The following TANC1 variants were observed in gnomAD, a reference collection of about 807,000 sequenced individuals.
The protein encoded by TANC1 is protein TANC1.
In TANC1, 77 loss-of-function variants were observed where a neutral mutation model predicts 149.7. That is an observed-to-expected ratio of 0.51 (90% CI 0.43 to 0.62). The LOEUF (loss-of-function observed/expected upper bound fraction) is 0.62, where lower values mean the gene tolerates loss of function less well. TANC1 is among the 20% of genes least tolerant of loss of function. TANC1 has a pLI of 0.00. For synonymous variants in TANC1, 854 were observed against 925.0 expected (o/e 0.92, Z 1.39); for missense variants, 1,985 against 2,321.8 (o/e 0.85, Z 2.98).
At chr2:159,101,188 A>G (rs2149947460) in intron 4 of TANC1, among the ~76,000 whole-genome samples, 1 of 152,296 alleles carries the variant, frequency 6.6e-6, no homozygotes, top group Admixed American at 6.5e-5. Context: ...AAAAAACCAA[A>G]CTTGTTTCAG....
chr2:159,116,709 C>A (rs1180279545), intron 4 of TANC1, among the ~76,000 whole-genome samples: 1 of 152,120 alleles, frequency 6.6e-6, no homozygotes, highest in Non-Finnish European at 1.5e-5. Context: ...TCCAATTTGG[C>A]CCCTGGGCTG....
chr2:159,199,617 C>T (rs73002981), intron 19 of TANC1, among the ~76,000 whole-genome samples: 2,572 of 152,330 alleles, frequency 0.017, 63 homozygotes, highest in African/African-American at 0.053. Flanking sequence ...AAGATTTGAG[C>T]TGGTTACTTG....
chr2:159,083,662 T>C (rs1318100572), intron 3 of TANC1, among the ~76,000 whole-genome samples: 3 of 152,354 alleles, frequency 2.0e-5, no homozygotes, highest in Non-Finnish European at 4.4e-5. Context: ...TTAATTTACA[T>C]GCCAATTTAT....
In TANC1 at chr2:159,094,942, GTTTGTTT is replaced by G. The variant is rs551830744; in HGVS notation, c.62-2684_62-2678del. Among the ~76,000 whole-genome samples the G allele has an allele frequency of 1.4e-4, 21 of 151,766 alleles. No individual in the cohort carries two copies. The East Asian group carries it at 2.1e-3, about 15-fold the overall frequency. ...CGCCAGTGAGAGGTGTTTTTTTATT[GTTTGTTT>G]TTTGTTTTTTTTTTGAGATGGAGTC... is the stretch of plus-strand genomic sequence containing the variant. On this transcript the variant is annotated intron_variant, in intron 3 of 26. Transcript: ENST00000263635.
chr2:159,138,391 C>T (rs1169524359), intron 5 of TANC1, among the ~76,000 whole-genome samples: 2 of 152,034 alleles, frequency 1.3e-5, no homozygotes, highest in Non-Finnish European at 2.9e-5. Context: ...GAGGTGGCTG[C>T]CTAACAAAGT....
Position 159,097,862 on chromosome 2 carries a change from G to T in TANC1, c.259+28G>T, listed in dbSNP as rs140497921. The T allele has an allele frequency of 4.1e-5, 66 of 1,596,498 alleles. 1 individual carries two copies. In the African/African-American group the frequency reaches 6.4e-4, roughly 16 times the overall value. On this transcript the variant is annotated intron_variant, in intron 4 of 26. Transcript: ENST00000263635. The stretch of plus-strand genomic sequence containing the variant: ...AAACAGGCAATGAAGGAGCTGCCTT[G>T]GTTATATATGTAGTACCTGCATTGA...
chr2:159,193,713 G>C (rs1421188531), intron 16 of TANC1, among the ~76,000 whole-genome samples: 1 of 152,048 alleles, frequency 6.6e-6, no homozygotes, highest in Non-Finnish European at 1.5e-5. Context: ...TAGTAGAGAC[G>C]GGGTTTCACC....
chr2:159,144,915 G>A (rs577573379), intron 5 of TANC1, among the ~76,000 whole-genome samples: 80 of 152,264 alleles, frequency 5.3e-4, no homozygotes, highest in African/African-American at 1.9e-3. Context: ...GTGCTATCTT[G>A]GACACTTGGT....
intron 7 of TANC1, among the ~76,000 whole-genome samples, chr2:159,160,173 C>T (rs1257132259): frequency 6.6e-6 from 1 of 152,088 alleles, no homozygotes; most frequent in Non-Finnish European, 1.5e-5. Flanking sequence ...CCCTGTGTCT[C>T]GAGGGTGGCT....
At chr2:159,198,508 G>A (rs1377805253) in intron 18 of TANC1, among the ~76,000 whole-genome samples, 1 of 152,302 alleles carries the variant, frequency 6.6e-6, no homozygotes, top group East Asian at 1.9e-4. Context: ...CCTTTGACAG[G>A]AAGAGTCCCA....
At chr2:158,992,138 A>G (rs1334320618) in intron 1 of TANC1, among the ~76,000 whole-genome samples, 1 of 152,158 alleles carries the variant, frequency 6.6e-6, no homozygotes, top group African/African-American at 2.4e-5. Flanking sequence ...TGAGACAGGC[A>G]GATCGCTTGA....
At chr2:159,174,537 G>T (rs1183378010) in intron 11 of TANC1, among the ~76,000 whole-genome samples, 1 of 152,100 alleles carries the variant, frequency 6.6e-6, no homozygotes, top group Non-Finnish European at 1.5e-5. Context: ...TGCCTTTTGG[G>T]ATCAGCAAAA....
chr2:159,230,915 G>A lies in TANC1; in HGVS notation c.5489G>A (p.Ser1830Asn), dbSNP rs767379059. The change falls in exon 27 of 27, where the codon AGT (serine) becomes AAT (asparagine). Residue 1830 changes from serine (S) to asparagine (N), a missense_variant. Coordinates refer to ENST00000263635, the MANE Select transcript of TANC1 (RefSeq NM_033394.3). This position sits in a 1 kb window ranked among gnomAD's most constrained non-coding sequence, Gnocchi z 4.4. ...ACTGTTTCTCATCTGTACCAGGAAA[G>A]TATCTCCAAACAGCAGCCTCATATT... ...TKTVSHLYQE[S>N]ISKQQPHISN... The A allele has an allele frequency of 6.2e-7, 1 of 1,614,208 alleles. No individual in the cohort carries two copies. Among genetic ancestry groups the A allele is most frequent in the East Asian group, 2.2e-5 (1 of 44,888 alleles).
intron 14 of TANC1, among the ~76,000 whole-genome samples, chr2:159,184,619 TC>T (rs1226142266): frequency 6.6e-6 from 1 of 152,094 alleles, no homozygotes; most frequent in South Asian, 2.1e-4. Flanking sequence ...AATCCTGGGA[TC>T]AGCCCATGGG....
intron 16 of TANC1, among the ~76,000 whole-genome samples, chr2:159,191,452 A>G (rs1423101424): frequency 6.6e-6 from 1 of 152,130 alleles, no homozygotes; most frequent in Non-Finnish European, 1.5e-5. Context: ...TATTTATGGA[A>G]TGAGCATTCC....
At position 159,001,555 on chromosome 2, in the gene TANC1, G is replaced by A. The variant is rs921496530; in HGVS notation, c.-16+366G>A. ...CACAATGAAAAATAAAAACGTGGTG[G>A]AGGGAGGGAGTAATAATCACTACCA... On this transcript the variant is annotated intron_variant, in intron 2 of 26. Transcript: ENST00000263635. This position sits in a 1 kb window ranked among gnomAD's most constrained non-coding sequence, Gnocchi z 4.3. 3.9e-5 allele frequency among the ~76,000 whole-genome samples: 6 copies of A among 152,198 alleles called. No homozygotes were observed. Among genetic ancestry groups the A allele is most frequent in the African/African-American group, 1.4e-4 (6 of 41,448 alleles).
Position 159,186,968 on chromosome 2 carries a change from G to C in TANC1, c.2686G>C (p.Glu896Gln), listed in dbSNP as rs749228772. The C allele has an allele frequency of 6.2e-7, 1 of 1,614,000 alleles. No individual in the cohort carries two copies. The highest frequency in any genetic ancestry group is 1.3e-5 in the African/African-American group (1 of 75,058). ...AGCCCTGTGGATCGGCTACAGCACCGAGGGGCTGTCCGCCGCCCTGGCCTC... is the reference window on the plus strand; with the variant it reads ...AGCCCTGTGGATCGGCTACAGCACCCAGGGGCTGTCCGCCGCCCTGGCCTC... ...LQALWIGYST[E>Q]GLSAALASLR... The change falls in exon 16 of 27, where the codon GAG becomes CAG. Residue 896 changes from glutamate to glutamine, a missense_variant. Glu to Gln is a conservative substitution (Grantham distance 29, BLOSUM62 2). Transcript: ENST00000263635.
chr2:159,063,038 C>T (rs907333855), intron 2 of TANC1, among the ~76,000 whole-genome samples: 4 of 150,084 alleles, frequency 2.7e-5, no homozygotes, highest in South Asian at 2.1e-4. Context: ...GCTGGAGTAC[C>T]GATTTGTTAA....
At chr2:158,971,396 C>T (rs979763849) in intron 1 of TANC1, among the ~76,000 whole-genome samples, 1 of 152,050 alleles carries the variant, frequency 6.6e-6, no homozygotes, top group Non-Finnish European at 1.5e-5. Context: ...AAAGAAATGG[C>T]TTTATTTTTA....
Sources: allele counts gnomAD v4.1 joint callset (sites outside exome capture counted in the v4.1 genomes callset), GRCh38; gene constraint gnomAD v4.1.1; non-coding constraint Gnocchi (gnomAD v3.1); transcripts MANE v1.5; gene names NCBI Gene and HGNC (gene_info 2026-07-23, HGNC 2026-07-21).